The following LRP1B variants were observed in gnomAD, a reference collection of about 807,000 sequenced individuals.
LRP1B encodes the protein LDL receptor related protein 1B, also known as low-density lipoprotein receptor-related protein 1B.
Under a neutral mutation model 556.6 loss-of-function variants are expected in LRP1B, and 217 were observed. That is an observed-to-expected ratio of 0.39 (90% CI 0.35 to 0.44). The LOEUF is 0.44. LRP1B is among the 20% of genes least tolerant of loss of function. The pLI is 1.00. For synonymous variants in LRP1B, 2,047 were observed against 1,865.8 expected (o/e 1.10, Z -2.50); for missense variants, 5,053 against 5,620.8 (o/e 0.90, Z 3.23).
At chr2:141,592,630 A>C (rs1001118669) in intron 2 of LRP1B, among the ~76,000 whole-genome samples, 1 of 152,156 alleles carries the variant, frequency 6.6e-6, no homozygotes, top group Non-Finnish European at 1.5e-5. Context: ...ATATATCTAC[A>C]TATCTTGTGA....
chr2:141,791,184 A>G (rs1695596735), intron 2 of LRP1B, among the ~76,000 whole-genome samples: 1 of 152,038 alleles, frequency 6.6e-6, no homozygotes, highest in Non-Finnish European at 1.5e-5. Flanking sequence ...TTAAACAAAA[A>G]ACTTACATGA....
At chr2:141,669,599 T>C (rs1257186466) in intron 2 of LRP1B, among the ~76,000 whole-genome samples, 1 of 152,138 alleles carries the variant, frequency 6.6e-6, no homozygotes, top group Non-Finnish European at 1.5e-5. Flanking sequence ...ATTATTTATT[T>C]GCACAGTGAC....
intron 27 of LRP1B, among the ~76,000 whole-genome samples, chr2:140,857,669 C>T (rs1463712107): frequency 2.6e-5 from 4 of 152,036 alleles, no homozygotes; most frequent in Non-Finnish European, 5.9e-5. Context: ...TTATACTGTA[C>T]TGTATAAAGT....
intron 2 of LRP1B, among the ~76,000 whole-genome samples, chr2:141,629,266 A>T (rs1331957319): frequency 2.6e-5 from 4 of 152,352 alleles, no homozygotes; most frequent in Non-Finnish European, 5.9e-5. Context: ...TACAAGGAAG[A>T]TGGTGAGAAA....
chr2:141,852,915 A>T (rs1035664042), intron 1 of LRP1B, among the ~76,000 whole-genome samples: 18 of 151,690 alleles, frequency 1.2e-4, no homozygotes, highest in African/African-American at 4.3e-4. Context: ...AATGAAAAAA[A>T]CTTTGGAGGC....
At chr2:141,229,144 A>G (rs957034071) in intron 6 of LRP1B, 39 bp downstream of exon 6, 1 of 1,601,262 alleles carries the variant, frequency 6.2e-7, no homozygotes, top group African/African-American at 1.3e-5. Context: ...AAATGAAATC[A>G]GTAAAGGGTG....
intron 1 of LRP1B, among the ~76,000 whole-genome samples, chr2:142,094,298 G>A (rs1368610123): frequency 6.6e-6 from 1 of 152,032 alleles, no homozygotes; most frequent in Non-Finnish European, 1.5e-5. Context: ...TGTAAGGCTG[G>A]TGTTTTTTTG....
intron 1 of LRP1B, among the ~76,000 whole-genome samples, chr2:142,028,602 T>G (rs571955845): frequency 6.6e-6 from 1 of 152,098 alleles, no homozygotes; most frequent in East Asian, 1.9e-4. Flanking sequence ...ATTTCCAGTT[T>G]GAGGGTATTA....
At chr2:140,726,851 A>C (rs1405925233) in intron 35 of LRP1B, among the ~76,000 whole-genome samples, 1 of 151,836 alleles carries the variant, frequency 6.6e-6, no homozygotes, top group East Asian at 1.9e-4. Flanking sequence ...ATTTCTTCAC[A>C]TCTTAATGGT....
intron 66 of LRP1B, among the ~76,000 whole-genome samples, chr2:140,410,332 T>A (rs946564671): frequency 4.6e-5 from 7 of 152,074 alleles, no homozygotes; most frequent in Non-Finnish European, 7.4e-5. Context: ...ATTGGCTGCA[T>A]AGTCAACAAA....
intron 7 of LRP1B, among the ~76,000 whole-genome samples, chr2:141,115,113 A>G (rs776427496): frequency 7.3e-5 from 11 of 151,654 alleles, no homozygotes; most frequent in Non-Finnish European, 1.0e-4. Flanking sequence ...TAGTATGGTC[A>G]TAGTGGATAA....
At chr2:140,479,071 T>C (rs1449340938) in intron 59 of LRP1B, among the ~76,000 whole-genome samples, 1 of 151,990 alleles carries the variant, frequency 6.6e-6, no homozygotes, top group Non-Finnish European at 1.5e-5. Context: ...TAATACTCTA[T>C]TATACTGAAG....
intron 32 of LRP1B, among the ~76,000 whole-genome samples, chr2:140,777,824 A>G (rs1026696467): frequency 2.0e-5 from 3 of 152,128 alleles, no homozygotes; most frequent in Non-Finnish European, 4.4e-5. Flanking sequence ...ATCTACCAAG[A>G]AGTATTTTTC....
At chr2:141,733,559 C>A (rs954547478) in intron 2 of LRP1B, among the ~76,000 whole-genome samples, 1 of 152,114 alleles carries the variant, frequency 6.6e-6, no homozygotes, top group Non-Finnish European at 1.5e-5. Context: ...CCTTTAATGT[C>A]TCCCCGCTGC....
intron 1 of LRP1B, among the ~76,000 whole-genome samples, chr2:142,099,895 T>G (rs1323692236): frequency 2.0e-5 from 3 of 151,920 alleles, no homozygotes; most frequent in Non-Finnish European, 4.4e-5. Flanking sequence ...GGAAAGTTTC[T>G]ATGGCAACAA....
intron 2 of LRP1B, among the ~76,000 whole-genome samples, chr2:141,573,261 A>G (rs1270646445): frequency 6.6e-6 from 1 of 152,206 alleles, no homozygotes; most frequent in Admixed American, 6.5e-5. Context: ...ACCACAGTGC[A>G]ATCTAATTCA....
At chr2:141,967,417 A>G (rs1701594860) in intron 1 of LRP1B, among the ~76,000 whole-genome samples, 1 of 151,906 alleles carries the variant, frequency 6.6e-6, no homozygotes, top group Admixed American at 6.6e-5. Flanking sequence ...TTATTACAGG[A>G]TTATCAAGAG....
chr2:140,397,674 T>C (rs572394294), intron 66 of LRP1B, among the ~76,000 whole-genome samples: 2 of 152,192 alleles, frequency 1.3e-5, no homozygotes, highest in African/African-American at 4.8e-5. Flanking sequence ...TCTATGGCTG[T>C]ATAATATTTC....
intron 2 of LRP1B, among the ~76,000 whole-genome samples, chr2:141,791,156 C>T (rs995805281): frequency 6.6e-6 from 1 of 151,554 alleles, no homozygotes; most frequent in African/African-American, 2.4e-5. Flanking sequence ...TTCCTGACAC[C>T]ACAAGCAATA....
Sources: allele counts gnomAD v4.1 joint callset (sites outside exome capture counted in the v4.1 genomes callset), GRCh38; gene constraint gnomAD v4.1.1; transcripts MANE v1.5; gene names NCBI Gene and HGNC (gene_info 2026-07-23, HGNC 2026-07-21).